SPTB: variants seen among roughly 807,000 people sequenced by gnomAD.
SPTB encodes spectrin beta chain, erythrocytic.
SPTB carries 45 observed loss-of-function variants against 256.2 expected under a neutral mutation model. The ratio of observed to expected loss-of-function variants is 0.18; its 90% CI spans 0.14 to 0.23. The LOEUF is 0.23. Among genes scored for constraint, SPTB ranks in the 10% least tolerant of loss-of-function variants. The probability of loss-of-function intolerance (pLI) is 1.00; values close to 1 mark genes in which losing one functional copy is unlikely to be tolerated. For synonymous variants in SPTB, 1,231 were observed against 1,243.1 expected (o/e 0.99, Z 0.21); for missense variants, 2,715 against 3,040.4 (o/e 0.89, Z 2.52).
chr14:64,812,453 C>CG (rs2083107240), intron 2 of SPTB, among the ~76,000 whole-genome samples: 1 of 152,168 alleles, frequency 6.6e-6, no homozygotes, highest in African/African-American at 2.4e-5. Flanking sequence ...GGAGTGAGGT[C>CG]TGTAAGGAGC....
At chr14:64,856,202 G>A (rs1005746980) in intron 1 of SPTB, among the ~76,000 whole-genome samples, 2 of 152,244 alleles carry the variant, frequency 1.3e-5, no homozygotes, top group African/African-American at 4.8e-5. Context: ...CCAGAAGGCT[G>A]TCTCTCCAGG....
intron 32 of SPTB, among the ~76,000 whole-genome samples, chr14:64,762,278 CAGG>C (rs1323362968): frequency 2.0e-5 from 3 of 152,200 alleles, no homozygotes; most frequent in South Asian, 4.1e-4. Context: ...GAAAGAGTAG[CAGG>C]AGGAGAAGGA....
In SPTB at chr14:64,796,487, A is replaced by T. The variant is rs1180272230; in HGVS notation, c.1341+70T>A. 4 of 1,603,342 alleles carry T rather than the reference A, an allele frequency of 2.5e-6. No homozygotes were observed. Among genetic ancestry groups the T allele is most frequent in the East Asian group, 4.5e-5 (2 of 44,848 alleles). On this transcript the variant is annotated intron_variant, in intron 11 of 35. Transcript: ENST00000644917. This position sits in a 1 kb window ranked among gnomAD's most constrained non-coding sequence, Gnocchi z 4.1. Reference sequence around the variant, plus strand: ...GCTGTGAGAAGCCAGCTTGGACTCCAGCCCAGCCAAGAGCTGGGGGCTCTG... The same window carrying T: ...GCTGTGAGAAGCCAGCTTGGACTCCTGCCCAGCCAAGAGCTGGGGGCTCTG...
chr14:64,855,542 G>A (rs1334581724), intron 1 of SPTB, among the ~76,000 whole-genome samples: 3 of 25,692 alleles, frequency 1.2e-4, no homozygotes, highest in East Asian at 3.6e-4. Context: ...TTTCATATAC[G>A]TTGACCAGGC....
Position 64,844,698 on chromosome 14 carries a change from C to T in SPTB, c.-51-21553G>A, listed in dbSNP as rs1031117753. On this transcript the variant is annotated intron_variant, in intron 1 of 35. Transcript: ENST00000644917. The surrounding 1 kb of genome is among the most constrained non-coding windows in gnomAD (Gnocchi z 4.1). ...ATTGAAAAGTAACATGAAGAAGAGGCTATGACTTCCCAAAAACACCTACTC... is the reference window on the plus strand; with the variant it reads ...ATTGAAAAGTAACATGAAGAAGAGGTTATGACTTCCCAAAAACACCTACTC... Among the ~76,000 whole-genome samples the T allele has an allele frequency of 3.3e-5, 5 of 152,206 alleles. No individual in the cohort carries two copies.
In SPTB at chr14:64,823,720, G is replaced by A. The variant is rs1303925155; in HGVS notation, c.-51-575C>T. On this transcript the variant is annotated intron_variant, in intron 1 of 35. Transcript: ENST00000644917. This position sits in a 1 kb window ranked among gnomAD's most constrained non-coding sequence, Gnocchi z 6.5. Reference sequence around the variant, plus strand: ...CTGGGGGGACTTCACTCCTCCCGGAGGCTTTCTGAGAGCCCTCTGAGTTCC... The same window carrying A: ...CTGGGGGGACTTCACTCCTCCCGGAAGCTTTCTGAGAGCCCTCTGAGTTCC... Among the ~76,000 whole-genome samples, 1 of 152,180 alleles carries A rather than the reference G, an allele frequency of 6.6e-6. No individual in the cohort carries two copies. The highest frequency in any genetic ancestry group is 2.4e-5 in the African/African-American group (1 of 41,444).
chr14:64,766,196 G>A (rs532003160), intron 32 of SPTB, among the ~76,000 whole-genome samples: 26 of 148,976 alleles, frequency 1.7e-4, no homozygotes, highest in African/African-American at 5.8e-4. Context: ...GTGTATGTGG[G>A]TGTGTGGTTG....
intron 1 of SPTB, among the ~76,000 whole-genome samples, chr14:64,863,575 ATAACATGTCC>A (rs1202062240): frequency 2.0e-5 from 3 of 152,204 alleles, no homozygotes; most frequent in African/African-American, 7.2e-5. Flanking sequence ...ATAACAGGCA[ATAACATGTCC>A]TGAGGAGCAG....
At chr14:64,836,816 A>AC (rs1202159909) in intron 1 of SPTB, among the ~76,000 whole-genome samples, 1 of 152,234 alleles carries the variant, frequency 6.6e-6, no homozygotes, top group Non-Finnish European at 1.5e-5. Flanking sequence ...AACAGATGTA[A>AC]CTATCCACCT....
At chr14:64,788,235 G>T (rs1566760297) in intron 15 of SPTB, among the ~76,000 whole-genome samples, 1 of 152,198 alleles carries the variant, frequency 6.6e-6, no homozygotes, top group Non-Finnish European at 1.5e-5. Context: ...CACACCCCCA[G>T]TGCCTCCACT....
chr14:64,773,479 G>C (rs561788455), intron 24 of SPTB, 55 bp from the exon 25 acceptor site: 2 of 1,590,938 alleles, frequency 1.3e-6, no homozygotes, highest in Non-Finnish European at 1.7e-6. Context: ...ACCCAGAGCC[G>C]TGGCTCCAGG....
chr14:64,801,450 C>G, intron 6 of SPTB, 50 bp from the exon 7 acceptor site: 2 of 1,340,516 alleles, frequency 1.5e-6, no homozygotes, highest in Non-Finnish European at 2.1e-6. Flanking sequence ...GCATCCCCAC[C>G]AGGAGGGCAG....
In SPTB at chr14:64,769,168, T is replaced by C. The variant is rs369622021; in HGVS notation, c.5938-50A>G. ...CTCAGGCTTGGCTCACCCTTCACCA[T>C]CTGAGGCAGTGCGCAGATGGGTCCT... On this transcript the variant is annotated intron_variant, in intron 28 of 35. Coordinates refer to ENST00000644917, the MANE Select transcript of SPTB (RefSeq NM_001355436.2). 1.2e-5 allele frequency: 19 copies of C among 1,551,106 alleles called. No individual in the cohort carries two copies. In the African/African-American group the frequency reaches 2.2e-4, roughly 18 times the overall value.
chr14:64,811,465 G>A (rs1462556147), intron 2 of SPTB, among the ~76,000 whole-genome samples: 1 of 152,132 alleles, frequency 6.6e-6, no homozygotes, highest in Non-Finnish European at 1.5e-5. Flanking sequence ...TGAATATCAA[G>A]TGTATATTAG....
In SPTB at chr14:64,760,805, T is replaced by G. The variant is rs961786399; in HGVS notation, c.6345+5921A>C. 2.0e-5 allele frequency among the ~76,000 whole-genome samples: 3 copies of G among 152,142 alleles called. No homozygotes were observed. The highest frequency in any genetic ancestry group is 4.8e-5 in the African/African-American group (2 of 41,432). On this transcript the variant is annotated intron_variant, in intron 32 of 35. Transcript: ENST00000644917. This position sits in a 1 kb window ranked among gnomAD's most constrained non-coding sequence, Gnocchi z 4.3. ...CACCTGTGTTACAAATGAGGGAAAC[T>G]GGGGGTCGTACAGAATGAGTGACCT...
intron 27 of SPTB, 82 bp from the exon 28 acceptor site, chr14:64,769,810 T>TC: frequency 6.3e-7 from 1 of 1,582,130 alleles, no homozygotes; most frequent in African/African-American, 1.3e-5. Flanking sequence ...GGGGCCCACC[T>TC]CCCCCTGCCT....
chr14:64,816,086 G>A lies in SPTB; in HGVS notation c.148+6861C>T, dbSNP rs1213997990. On this transcript the variant is annotated intron_variant, in intron 2 of 35. Transcript: ENST00000644917. The surrounding 1 kb of genome is among the most constrained non-coding windows in gnomAD (Gnocchi z 4.2). ...GAGGGTGATCCTTAGTAGTCAGAGCGAGCCCTAAAAACCCAAATCTAACCG... is the reference window on the plus strand; with the variant it reads ...GAGGGTGATCCTTAGTAGTCAGAGCAAGCCCTAAAAACCCAAATCTAACCG... 2.6e-5 allele frequency among the ~76,000 whole-genome samples: 4 copies of A among 152,062 alleles called. No individual in the cohort carries two copies. Among genetic ancestry groups the A allele is most frequent in the African/African-American group, 9.7e-5 (4 of 41,386 alleles).
rs74056019 is a variant in SPTB at position 64,802,593 on chromosome 14, A to T, written c.475-276T>A. Among the ~76,000 whole-genome samples the T allele has an allele frequency of 0.082, 12,403 of 152,110 alleles. 626 individuals carry two copies. The highest frequency in any genetic ancestry group is 0.11 in the Middle Eastern group (32 of 294). ...AGGGCCTGGAGCCTGGTGCACCATC[A>T]GTACTCCATAGCTGTATTGTGGCTG... On this transcript the variant is annotated intron_variant, in intron 4 of 35. Transcript: ENST00000644917. This position sits in a 1 kb window ranked among gnomAD's most constrained non-coding sequence, Gnocchi z 5.1.
In SPTB at chr14:64,793,053, C is replaced by A. The variant is rs1388294619; in HGVS notation, c.2610G>T (p.Trp870Cys). The A allele has an allele frequency of 2.5e-6, 4 of 1,613,958 alleles. No individual in the cohort carries two copies. Among genetic ancestry groups the A allele is most frequent in the Non-Finnish European group, 3.4e-6 (4 of 1,180,058 alleles). ...TGTCTGGCATTTCCATCTCGGCCAGCCACTTCTCCTTCTCTCCCATCCACA... is the reference window on the plus strand; with the variant it reads ...TGTCTGGCATTTCCATCTCGGCCAGACACTTCTCCTTCTCTCCCATCCACA... ...CELWMGEKEK[W>C]LAEMEMPDTL... Residue 870 changes from tryptophan (W) to cysteine (C), a missense_variant, in exon 14 of 36, where the codon TGG becomes TGT. By Grantham distance (215) the Trp-to-Cys change is radical (BLOSUM62 -2). Around this residue, in one of 4 missense-constraint regions of SPTB, gnomAD observed 2,239 missense variants for 2,384.4 expected, o/e 0.94. Coordinates refer to ENST00000644917, the MANE Select transcript of SPTB (RefSeq NM_001355436.2). The surrounding 1 kb of genome is among the most constrained non-coding windows in gnomAD (Gnocchi z 7.0).
Sources: gnomAD v4.1 joint callset for allele counts (sites outside exome capture counted in the v4.1 genomes callset) on GRCh38, gnomAD v4.1.1 for gene constraint, gnomAD v4.1.1 regional missense constraint, Gnocchi (gnomAD v3.1) non-coding constraint, MANE v1.5 for transcripts, NCBI Gene and HGNC (gene_info 2026-07-23, HGNC 2026-07-21) for gene names.